The following RBFOX3 variants were observed in gnomAD, a reference collection of about 807,000 sequenced individuals.
The protein encoded by RBFOX3 is RNA binding fox-1 homolog 3.
In RBFOX3, 17 loss-of-function variants were observed where a neutral mutation model predicts 48.7. That is an observed-to-expected ratio of 0.35 (90% CI 0.24 to 0.52). RBFOX3 has a LOEUF of 0.52. RBFOX3 is among the 20% of genes least tolerant of loss of function. The pLI is 0.94. For synonymous variants in RBFOX3, 212 were observed against 209.5 expected, an observed-to-expected ratio of 1.01 and a Z score of -0.10; for missense variants, 382 against 497.5, an observed-to-expected ratio of 0.77 and a Z score of 2.21.
intron 1 of RBFOX3, among the ~76,000 whole-genome samples, chr17:79,536,446 T>C (rs2088768311): frequency 6.6e-6 from 1 of 152,242 alleles, no homozygotes; most frequent in Non-Finnish European, 1.5e-5. Flanking sequence ...TGTGTTCCAG[T>C]AAAATACAGC....
Position 79,205,466 on chromosome 17 carries a change from G to A in RBFOX3, c.-34+30300C>T, listed in dbSNP as rs935271510. On this transcript the variant is annotated intron_variant, in intron 4 of 14. Transcript: ENST00000693108. This position sits in a 1 kb window ranked among gnomAD's most constrained non-coding sequence, Gnocchi z 4.5. ...ATAACCTGAATATGAGTTCCCTGACGTAGGAGTGCCAAATGGGAGCCTATA... is the reference window on the plus strand; with the variant it reads ...ATAACCTGAATATGAGTTCCCTGACATAGGAGTGCCAAATGGGAGCCTATA... 9.9e-5 allele frequency among the ~76,000 whole-genome samples: 15 copies of A among 152,092 alleles called. No individual in the cohort carries two copies. Among genetic ancestry groups the A allele is most frequent in the African/African-American group, 2.2e-4 (9 of 41,412 alleles).
Position 79,252,678 on chromosome 17 carries a change from G to A in RBFOX3, c.-73-16873C>T, listed in dbSNP as rs1036284026. Among the ~76,000 whole-genome samples the A allele has an allele frequency of 6.6e-6, 1 of 152,166 alleles. No individual in the cohort carries two copies. The highest frequency in any genetic ancestry group is 1.5e-5 in the Non-Finnish European group (1 of 68,030). ...AGCCGCTACGTTTGTTTGCGACGGC[G>A]GCACCTAATGCGGTCCTCTTGGAAA... On this transcript the variant is annotated intron_variant, in intron 3 of 14. Transcript: ENST00000693108. This position sits in a 1 kb window ranked among gnomAD's most constrained non-coding sequence, Gnocchi z 4.0.
chr17:79,571,746 G>A (rs1193092115), intron 1 of RBFOX3, among the ~76,000 whole-genome samples: 2 of 152,128 alleles, frequency 1.3e-5, no homozygotes, highest in African/African-American at 2.4e-5. Flanking sequence ...CTGGATGTTC[G>A]TGAACTTGCT....
At chr17:79,604,050 C>T (rs1038982056) in intron 1 of RBFOX3, 2 of 152,304 alleles carry the variant, frequency 1.3e-5, no homozygotes, top group Non-Finnish European at 2.9e-5. Context: ...TGAAAGGTAA[C>T]TGACATACCG....
intron 1 of RBFOX3, among the ~76,000 whole-genome samples, chr17:79,486,818 G>T (rs1052912454): frequency 5.9e-5 from 9 of 152,252 alleles, no homozygotes; most frequent in Middle Eastern, 3.4e-3. Flanking sequence ...TCCTGTGCCC[G>T]CATCTGCAGC....
chr17:79,362,127 C>T lies in RBFOX3; in HGVS notation c.-174-54303G>A, dbSNP rs2086472671. Among the ~76,000 whole-genome samples the T allele has an allele frequency of 6.6e-6, 1 of 152,228 alleles. No individual in the cohort carries two copies. Among genetic ancestry groups the T allele is most frequent in the African/African-American group, 2.4e-5 (1 of 41,470 alleles). On this transcript the variant is annotated intron_variant, in intron 2 of 14. Transcript: ENST00000693108. This position sits in a 1 kb window ranked among gnomAD's most constrained non-coding sequence, Gnocchi z 4.2. Reference sequence around the variant, plus strand: ...TCGAGAGAATCCACTCCACTGCCAGCTCACACACAGCCCTCCACGGGCCAC... The same window carrying T: ...TCGAGAGAATCCACTCCACTGCCAGTTCACACACAGCCCTCCACGGGCCAC...
chr17:79,630,976 T>C, the RBFOX3 span, among the ~76,000 whole-genome samples: 1 of 152,094 alleles, frequency 6.6e-6, no homozygotes, highest in African/African-American at 2.4e-5. Context: ...CACAGTCTCT[T>C]CAGAACCTCA....
At chr17:79,261,522 G>A (rs538784022) in intron 3 of RBFOX3, among the ~76,000 whole-genome samples, 10 of 152,334 alleles carry the variant, frequency 6.6e-5, no homozygotes, top group African/African-American at 2.4e-4. Context: ...AGCCTCCCAG[G>A]CCTGTGCGGC....
intron 3 of RBFOX3, among the ~76,000 whole-genome samples, chr17:79,255,345 A>C (rs989426805): frequency 4.6e-5 from 7 of 151,862 alleles, no homozygotes; most frequent in African/African-American, 1.7e-4. Context: ...CCGGTGGCTG[A>C]ACATCAGTGA....
chr17:79,167,298 C>A (rs1198191376), intron 4 of RBFOX3, among the ~76,000 whole-genome samples: 1 of 151,876 alleles, frequency 6.6e-6, no homozygotes, highest in Non-Finnish European at 1.5e-5. Context: ...TCCCCAGGGT[C>A]TCCATCAGGC....
chr17:79,187,286 C>T (rs1290304637), intron 4 of RBFOX3, among the ~76,000 whole-genome samples: 1 of 152,166 alleles, frequency 6.6e-6, no homozygotes, highest in Non-Finnish European at 1.5e-5. Flanking sequence ...GAGGTGAATT[C>T]CTCATGCTCC....
intron 3 of RBFOX3, among the ~76,000 whole-genome samples, chr17:79,239,645 T>A (rs2062084966): frequency 6.6e-6 from 1 of 152,152 alleles, no homozygotes; most frequent in Non-Finnish European, 1.5e-5. Flanking sequence ...TTGGGGTGAG[T>A]GCCCAATGTG....
At chr17:79,579,681 C>T (rs942567128) in intron 1 of RBFOX3, among the ~76,000 whole-genome samples, 8 of 151,752 alleles carry the variant, frequency 5.3e-5, no homozygotes, top group African/African-American at 1.2e-4. Context: ...CACTGAGACT[C>T]GGCACCATGG....
At chr17:79,233,635 T>C (rs1361310559) in intron 4 of RBFOX3, 1 of 151,550 alleles carries the variant, frequency 6.6e-6, no homozygotes, top group African/African-American at 2.4e-5. Context: ...TTAGACGGAG[T>C]TTTGCTCTGT....
At chr17:79,629,734 A>G in the RBFOX3 span, among the ~76,000 whole-genome samples, 134 of 152,368 alleles carry the variant, frequency 8.8e-4, no homozygotes, top group African/African-American at 2.7e-3. Context: ...TCATAACATC[A>G]AAAGATTGAA....
Position 79,477,379 on chromosome 17 carries a change from A to G in RBFOX3, c.-175+5075T>C, listed in dbSNP as rs1387700707. ...AGATCATCCTGGCTAACACGGTGAA[A>G]CCCCGTCTCTACTAAAAATACAAAA... On this transcript the variant is annotated intron_variant, in intron 2 of 14. Coordinates refer to ENST00000693108, the MANE Select transcript of RBFOX3 (RefSeq NM_001350451.2). This position sits in a 1 kb window ranked among gnomAD's most constrained non-coding sequence, Gnocchi z 4.8. Among the ~76,000 whole-genome samples the G allele has an allele frequency of 2.6e-5, 4 of 151,164 alleles. No homozygotes were observed. Among genetic ancestry groups the G allele is most frequent in the African/African-American group, 4.9e-5 (2 of 41,094 alleles).
intron 4 of RBFOX3, among the ~76,000 whole-genome samples, chr17:79,166,241 T>C (rs1165005510): frequency 1.5e-5 from 2 of 137,526 alleles, no homozygotes; most frequent in Non-Finnish European, 3.3e-5. Context: ...AGGGGCTCCT[T>C]TCCCTCCTGC....
chr17:79,350,336 A>G (rs923476495), intron 2 of RBFOX3, among the ~76,000 whole-genome samples: 4 of 152,182 alleles, frequency 2.6e-5, no homozygotes, highest in African/African-American at 9.7e-5. Context: ...TGGTCAGTGT[A>G]ACTGATTCTT....
intron 1 of RBFOX3, among the ~76,000 whole-genome samples, chr17:79,549,450 G>A (rs187899868): frequency 1.8e-3 from 279 of 152,352 alleles, no homozygotes; most frequent in African/African-American, 5.4e-3. Context: ...GCTTTGAGGC[G>A]GCAAAGCTAA....
Sources: allele counts gnomAD v4.1 joint callset (sites outside exome capture counted in the v4.1 genomes callset), GRCh38; gene constraint gnomAD v4.1.1; non-coding constraint Gnocchi (gnomAD v3.1); transcripts MANE v1.5; gene names NCBI Gene and HGNC (gene_info 2026-07-23, HGNC 2026-07-21).